Variants in TRIP12 observed in about 807,000 individuals in gnomAD.
TRIP12 encodes the protein thyroid hormone receptor interactor 12.
A neutral mutation model predicts 244.2 loss-of-function variants in TRIP12; 25 were observed. That is an observed-to-expected ratio of 0.10 (90% CI 0.07 to 0.14). The LOEUF is 0.14. Ranked by LOEUF, TRIP12 falls within the 10% of genes least tolerant of loss-of-function variation. The pLI, the probability that TRIP12 is intolerant of heterozygous loss-of-function variation, is 1.00. For synonymous variants in TRIP12, 905 were observed against 873.1 expected, an observed-to-expected ratio of 1.04 and a Z score of -0.64; for missense variants, 1,677 against 2,486.4, an observed-to-expected ratio of 0.67 and a Z score of 6.92.
chr2:229,781,272 GA>G (rs2038073260), intron 34 of TRIP12, among the ~76,000 whole-genome samples: 1 of 152,158 alleles, frequency 6.6e-6, no homozygotes, highest in Non-Finnish European at 1.5e-5. Context: ...CTTTTTAAAG[GA>G]AAGGAAAGCA....
upstream of TRIP12, chr2:229,922,199 G>A (rs930924903): frequency 4.1e-6 from 1 of 246,748 alleles, no homozygotes; most frequent in Non-Finnish European, 7.9e-6. Context: ...AGCAGCCTCC[G>A]ATCTCCGCCC....
intron 9 of TRIP12, 29 bp from the exon 10 acceptor site, chr2:229,815,337 G>A (rs1193072782): frequency 7.6e-6 from 10 of 1,308,992 alleles, no homozygotes; most frequent in Non-Finnish European, 1.1e-5. Flanking sequence ...AATATTAGAA[G>A]CTATATTCCT....
rs1306045229 is a variant in TRIP12 at position 229,794,653 on chromosome 2, G to GT, written c.3968+525dup. 3.9e-5 allele frequency among the ~76,000 whole-genome samples: 6 copies of GT among 152,160 alleles called. No individual in the cohort carries two copies. In the East Asian group the frequency reaches 1.2e-3, roughly 29 times the overall value. Reference sequence around the variant, plus strand: ...CCGGTCAAAATATTCCATGAAACTTGTAACATTCCACAACATAGAACAATT... The same window carrying GT: ...CCGGTCAAAATATTCCATGAAACTTGTTAACATTCCACAACATAGAACAATT... On this transcript the variant is annotated intron_variant, in intron 26 of 41. Transcript: ENST00000675903.
At position 229,876,560 on chromosome 2, in the gene TRIP12, C is replaced by G. The variant is rs141432245; in HGVS notation, c.98+3422G>C. On this transcript the variant is annotated intron_variant, in intron 2 of 41. Coordinates refer to ENST00000675903, the MANE Select transcript of TRIP12 (RefSeq NM_001348323.3). Reference sequence around the variant, plus strand: ...CAACAAGATTTGTCATTCTACAAATCTAATCGAGTTCCATCTCTGTTACAA... The same window carrying G: ...CAACAAGATTTGTCATTCTACAAATGTAATCGAGTTCCATCTCTGTTACAA... Among the ~76,000 whole-genome samples the G allele has an allele frequency of 2.0e-3, 305 of 152,356 alleles. 2 individuals carry two copies. Among genetic ancestry groups the G allele is most frequent in the African/African-American group, 7.0e-3 (291 of 41,578 alleles).
intron 25 of TRIP12, 50 bp downstream of exon 25, chr2:229,796,541 T>C (rs377647801): frequency 2.1e-6 from 3 of 1,431,756 alleles, no homozygotes; most frequent in Non-Finnish European, 2.8e-6. Flanking sequence ...ATATATGCAT[T>C]AGTGAGCACT....
intron 1 of TRIP12, among the ~76,000 whole-genome samples, chr2:229,889,477 CACAG>C (rs1473577651): frequency 2.0e-5 from 3 of 152,190 alleles, no homozygotes; most frequent in Non-Finnish European, 2.9e-5. Context: ...CTCAAAAGCA[CACAG>C]ACAGCAACTT....
chr2:229,819,086 A>ACACACACACACAC (rs2049283119), intron 8 of TRIP12, among the ~76,000 whole-genome samples: 1 of 117,256 alleles, frequency 8.5e-6, no homozygotes, highest in East Asian at 3.1e-4. Flanking sequence ...ACACACACAC[A>ACACACACACACAC]ATTATAAACC....
At chr2:229,838,059 A>G (rs1335067930) in intron 5 of TRIP12, among the ~76,000 whole-genome samples, 1 of 152,230 alleles carries the variant, frequency 6.6e-6, no homozygotes, top group Non-Finnish European at 1.5e-5. Flanking sequence ...TACTAAAGAC[A>G]TGTTTTAGAC....
intron 26 of TRIP12, among the ~76,000 whole-genome samples, chr2:229,793,738 T>G (rs1162988717): frequency 6.6e-6 from 1 of 152,236 alleles, no homozygotes; most frequent in African/African-American, 2.4e-5. Context: ...ATTATCTGTA[T>G]GATTCCACAA....
chr2:229,776,046 A>G (rs940058946), intron 37 of TRIP12, among the ~76,000 whole-genome samples: 1 of 152,144 alleles, frequency 6.6e-6, no homozygotes, highest in African/African-American at 2.4e-5. Flanking sequence ...CAGAGCTTGC[A>G]TGGTGTGGAA....
intron 24 of TRIP12, among the ~76,000 whole-genome samples, chr2:229,797,089 G>A (rs1358688955): frequency 6.6e-6 from 1 of 152,048 alleles, no homozygotes; most frequent in East Asian, 1.9e-4. Context: ...TGAAGAATAA[G>A]GGGCTATAAC....
intron 30 of TRIP12, 151 bp downstream of exon 30, chr2:229,790,973 G>T (rs1340101139): frequency 6.1e-6 from 6 of 984,142 alleles, no homozygotes; most frequent in Non-Finnish European, 8.9e-6. Context: ...TAAAGTTGAG[G>T]ATTAAATGTG....
intron 40 of TRIP12, 93 bp downstream of exon 40, chr2:229,769,138 G>T: frequency 9.4e-7 from 1 of 1,063,748 alleles, no homozygotes; most frequent in Non-Finnish European, 1.3e-6. Context: ...TCCAACTTTT[G>T]TTGTTTACAC....
intron 2 of TRIP12, among the ~76,000 whole-genome samples, chr2:229,865,370 C>T (rs942396943): frequency 1.4e-5 from 2 of 146,052 alleles, no homozygotes; most frequent in Non-Finnish European, 3.0e-5. Flanking sequence ...AATGCTGTCT[C>T]AATGTTAGGA....
chr2:229,787,873 G>A (rs368402184), intron 32 of TRIP12, among the ~76,000 whole-genome samples: 6 of 152,112 alleles, frequency 3.9e-5, no homozygotes, highest in African/African-American at 1.4e-4. Flanking sequence ...TGTGATCTAG[G>A]CACACTGCAA....
intron 8 of TRIP12, among the ~76,000 whole-genome samples, chr2:229,827,279 C>CAAAAAAAAAAAAAAA (rs944363768): frequency 1.6e-5 from 2 of 122,296 alleles, no homozygotes; most frequent in South Asian, 5.1e-4. Flanking sequence ...AACTCCGTCT[C>CAAAAAAAAAAAAAAA]AAAAAAAAAA....
At chr2:229,866,862 A>G (rs1450642224) in intron 2 of TRIP12, among the ~76,000 whole-genome samples, 2 of 152,134 alleles carry the variant, frequency 1.3e-5, no homozygotes. Flanking sequence ...AAAGCTGAGG[A>G]AAAAAAGCTT....
intron 17 of TRIP12, 144 bp downstream of exon 17, chr2:229,807,564 T>G: frequency 9.5e-7 from 1 of 1,049,106 alleles, no homozygotes; most frequent in Non-Finnish European, 1.5e-6. Context: ...AATGAGGACC[T>G]TGTTCTCAGG....
chr2:229,861,041 A>G (rs1482440779), intron 2 of TRIP12, among the ~76,000 whole-genome samples: 1 of 152,206 alleles, frequency 6.6e-6, no homozygotes, highest in Non-Finnish European at 1.5e-5. Context: ...TCTCAAACTG[A>G]TTTTACACAG....
Sources: allele counts gnomAD v4.1 joint callset (sites outside exome capture counted in the v4.1 genomes callset), GRCh38; gene constraint gnomAD v4.1.1; transcripts MANE v1.5; gene names NCBI Gene and HGNC (gene_info 2026-07-23, HGNC 2026-07-21).